Variants in PLPBP observed in about 807,000 individuals in gnomAD.
PLPBP encodes pyridoxal phosphate binding protein.
A neutral mutation model predicts 31.2 loss-of-function variants in PLPBP; 21 were observed. The observed-to-expected ratio is 0.67, with a 90% confidence interval of 0.48 to 0.97. PLPBP has a LOEUF of 0.97. Among genes scored for constraint, PLPBP ranks in the 50% least tolerant of loss-of-function variants. The pLI is 0.00. For missense variants in PLPBP, 308 were observed against 354.4 expected (o/e 0.87, Z 1.05); for synonymous variants, 124 against 135.6 (o/e 0.91, Z 0.59).
At chr8:37,767,859 G>T (rs188061772) in intron 4 of PLPBP, among the ~76,000 whole-genome samples, 1 of 137,482 alleles carries the variant, frequency 7.3e-6, no homozygotes, top group Non-Finnish European at 1.5e-5. Context: ...AAGCTGGAGT[G>T]CAGTGGCGTG....
intron 2 of PLPBP, 32 bp from the exon 3 acceptor site, chr8:37,765,679 G>A: frequency 6.2e-7 from 1 of 1,614,212 alleles, no homozygotes; most frequent in South Asian, 1.1e-5. Context: ...ATGATTGCCA[G>A]GCTTCTGACT....
At chr8:37,764,155 T>C (rs1803559860) in intron 1 of PLPBP, among the ~76,000 whole-genome samples, 1 of 151,484 alleles carries the variant, frequency 6.6e-6, no homozygotes, top group South Asian at 2.1e-4. Context: ...CAGGCTGGAG[T>C]GCAGTGGCAC....
intron 4 of PLPBP, among the ~76,000 whole-genome samples, chr8:37,767,553 A>G (rs1034287588): frequency 1.3e-5 from 2 of 152,202 alleles, no homozygotes; most frequent in African/African-American, 4.8e-5. Context: ...ATTCCATTGT[A>G]TAAGTATATT....
chr8:37,769,798 G>T (rs1338438012), intron 4 of PLPBP, among the ~76,000 whole-genome samples: 1 of 152,098 alleles, frequency 6.6e-6, no homozygotes, highest in Non-Finnish European at 1.5e-5. Context: ...CAGTAACATT[G>T]CAGGATACAA....
chr8:37,765,734 A>G lies in PLPBP; in HGVS notation c.231A>G (p.Ala77=), dbSNP rs1803607958. The part of the protein sequence containing the change: ...ENYVQELLEK[A]SNPKILSLCP... The stretch of plus-strand genomic sequence containing the variant: ...AGGTTCAGGAACTGCTAGAAAAAGC[A>G]TCAAATCCCAAAGTAAGTAGATAGC... The change falls in exon 3 of 8, where the codon GCA becomes GCG. Residue 77 remains alanine, a synonymous_variant. Coordinates refer to ENST00000328195, the MANE Select transcript of PLPBP (RefSeq NM_007198.4). The G allele has an allele frequency of 6.2e-7, 1 of 1,611,746 alleles. No individual in the cohort carries two copies. Among genetic ancestry groups the G allele is most frequent in the Non-Finnish European group, 8.5e-7 (1 of 1,179,498 alleles).
rs1422571051 is a variant in PLPBP, at chr8:37,764,076, T to C, written c.99+1318T>C. On this transcript the variant is annotated intron_variant, in intron 1 of 7. Coordinates refer to ENST00000328195, the MANE Select transcript of PLPBP (RefSeq NM_007198.4). ...TGCCACTGGTTCTTTTCTTTCTTTT[T>C]TTTTTTTTTTTTGTTGTGTTGTTTT... Among the ~76,000 whole-genome samples, 5 of 151,506 alleles carry C rather than the reference T, an allele frequency of 3.3e-5. No individual in the cohort carries two copies. The South Asian group carries it at 1.0e-3, about 32-fold the overall frequency.
In PLPBP at chr8:37,778,102, T is replaced by G; in HGVS notation, c.826T>G (p.Ter276GlyextTer5). ...CCCGCTGGAGGTGGCACAGGAGCAC[T>G]GAGCCAGGGAATACTGAGAGCACTA... ...KAPLEVAQEH[*>G] is the part of the protein sequence containing the mutation. The change falls in exon 8 of 8, where the codon TGA becomes GGA. Residue 276 changes from the stop codon to glycine (G), a stop_lost. Coordinates refer to ENST00000328195, the MANE Select transcript of PLPBP (RefSeq NM_007198.4). 1 of 1,612,572 alleles carries G rather than the reference T, an allele frequency of 6.2e-7. No homozygotes were observed. The highest frequency in any genetic ancestry group is 8.5e-7 in the Non-Finnish European group (1 of 1,178,968).
chr8:37,762,795 G>T, intron 1 of PLPBP, 37 bp downstream of exon 1: 1 of 1,533,540 alleles, frequency 6.5e-7, no homozygotes, highest in East Asian at 2.4e-5. Context: ...GTGGGCGGCC[G>T]CCTTGAGAAG....
At chr8:37,765,390 A>G in intron 1 of PLPBP, 136 bp from the exon 2 acceptor site, 1 of 766,990 alleles carries the variant, frequency 1.3e-6, no homozygotes, top group South Asian at 1.6e-5. Flanking sequence ...TGATCTGCCT[A>G]CAGTGTTGAA....
At chr8:37,764,233 G>C (rs1422439704) in intron 1 of PLPBP, among the ~76,000 whole-genome samples, 1 of 151,936 alleles carries the variant, frequency 6.6e-6, no homozygotes, top group Non-Finnish European at 1.5e-5. Flanking sequence ...CTCCTGAGTA[G>C]CTGGGATTAC....
rs1803976585 is a variant in PLPBP at position 37,778,516 on chromosome 8, C to T, written c.*412C>T. 1.3e-5 allele frequency: 2 copies of T among 155,568 alleles called. No individual in the cohort carries two copies. The highest frequency in any genetic ancestry group is 2.4e-5 in the African/African-American group (1 of 41,482). The allele number at this position is 155,568 out of a possible 1,614,324, so 9.6% of individuals were successfully genotyped here. ...ATGGTTAACATCTCCCTACAAACTC[C>T]TACTACGTCGTCTAAATTGCTGCTC... On this transcript the variant is annotated 3_prime_UTR_variant, in exon 8 of 8. Transcript: ENST00000328195.
At chr8:37,774,141 G>A (rs1585938819) in intron 5 of PLPBP, among the ~76,000 whole-genome samples, 2 of 152,162 alleles carry the variant, frequency 1.3e-5, no homozygotes, top group African/African-American at 4.8e-5. Context: ...AACCCAGGAG[G>A]TGAATATTGC....
chr8:37,777,903 A>T, intron 7 of PLPBP, 70 bp from the exon 8 acceptor site: 1 of 1,512,668 alleles, frequency 6.6e-7, no homozygotes, highest in Non-Finnish European at 9.0e-7. Flanking sequence ...GAATGGGGGC[A>T]CAGCTTCAGC....
chr8:37,775,849 C>A, intron 6 of PLPBP, 69 bp from the exon 7 acceptor site: 1 of 1,406,184 alleles, frequency 7.1e-7, no homozygotes, highest in Non-Finnish European at 1.0e-6. Context: ...CAGAGAAGTT[C>A]AGATTCAGAC....
intron 4 of PLPBP, among the ~76,000 whole-genome samples, chr8:37,772,342 A>G (rs139743631): frequency 6.6e-6 from 1 of 152,334 alleles, no homozygotes; most frequent in African/African-American, 2.4e-5. Flanking sequence ...CCCTCATCCC[A>G]GAAAGTTGAA....
chr8:37,778,234 A>G lies in PLPBP; in HGVS notation c.*130A>G, dbSNP rs777056414. On this transcript the variant is annotated 3_prime_UTR_variant, in exon 8 of 8. Coordinates refer to ENST00000328195, the MANE Select transcript of PLPBP (RefSeq NM_007198.4). Reference sequence around the variant, plus strand: ...CTAATGATCACGTGTGTTGATGGAAACCATCTGTGCTTAGTCTCTGACATA... The same window carrying G: ...CTAATGATCACGTGTGTTGATGGAAGCCATCTGTGCTTAGTCTCTGACATA... 5 of 1,177,946 alleles carry G rather than the reference A, an allele frequency of 4.2e-6. No individual in the cohort carries two copies. The highest frequency in any genetic ancestry group is 2.5e-5 in the Admixed American group (1 of 39,668). 73.0% of individuals were successfully genotyped at this position (1,177,946 alleles called of 1,614,324 possible).
chr8:37,771,419 C>T (rs764020468), intron 4 of PLPBP, among the ~76,000 whole-genome samples: 1 of 151,720 alleles, frequency 6.6e-6, no homozygotes, highest in South Asian at 2.1e-4. Context: ...GGATTACAGG[C>T]GTGAGCCACA....
intron 6 of PLPBP, 41 bp from the exon 7 acceptor site, chr8:37,775,877 G>GA: frequency 1.3e-6 from 2 of 1,531,060 alleles, no homozygotes; most frequent in Non-Finnish European, 9.0e-7. Flanking sequence ...GGCATCGTTA[G>GA]AGAAGGCAGG....
chr8:37,778,039 A>G lies in PLPBP; in HGVS notation c.763A>G (p.Lys255Glu). The G allele has an allele frequency of 1.2e-6, 2 of 1,613,944 alleles. No individual in the cohort carries two copies. Among genetic ancestry groups the G allele is most frequent in the Admixed American group, 3.3e-5 (2 of 60,020 alleles). Residue 255 changes from lysine (K) to glutamate (E), a missense_variant, in exon 8 of 8, where the codon AAA becomes GAA. Lys to Glu is a moderately conservative substitution (Grantham distance 56). Coordinates refer to ENST00000328195, the MANE Select transcript of PLPBP (RefSeq NM_007198.4). ...TIFGERDYSK[K>E]PTPDKCAADV... ...TTTTGGAGAGCGGGATTACTCAAAG[A>G]AACCCACCCCGGACAAGTGCGCAGC...
Sources: allele counts gnomAD v4.1 joint callset (sites outside exome capture counted in the v4.1 genomes callset), GRCh38; gene constraint gnomAD v4.1.1; transcripts MANE v1.5; gene names NCBI Gene and HGNC (gene_info 2026-07-23, HGNC 2026-07-21).